The following ABCC1 variants were observed in gnomAD, a reference collection of about 807,000 sequenced individuals.
ABCC1 encodes multidrug resistance-associated protein 1.
In ABCC1, 83 loss-of-function variants were observed where a neutral mutation model predicts 172.9. That is an observed-to-expected ratio of 0.48 (90% CI 0.40 to 0.58). The LOEUF is 0.58. Among genes scored for constraint, ABCC1 ranks in the 20% least tolerant of loss-of-function variants. The probability of loss-of-function intolerance (pLI) is 0.00; values close to 1 mark genes in which losing one functional copy is unlikely to be tolerated. For synonymous variants in ABCC1, 937 were observed against 825.2 expected, an observed-to-expected ratio of 1.14 and a Z score of -2.32; for missense variants, 1,817 against 2,002.7, an observed-to-expected ratio of 0.91 and a Z score of 1.77.
chr16:16,058,578 G>C (rs2049770085), intron 12 of ABCC1, among the ~76,000 whole-genome samples: 1 of 152,152 alleles, frequency 6.6e-6, no homozygotes, highest in Non-Finnish European at 1.5e-5. Context: ...CTCAGGGTCT[G>C]GAACTGCAGG....
In ABCC1 at chr16:16,045,893, C is replaced by T. The variant is rs1310307532; in HGVS notation, c.1098C>T (p.Tyr366=). 3 of 1,614,066 alleles carry T rather than the reference C, an allele frequency of 1.9e-6. No individual in the cohort carries two copies. The highest frequency in any genetic ancestry group is 1.3e-5 in the African/African-American group (1 of 74,936). The change falls in exon 9 of 31, where the codon TAC becomes TAT. Residue 366 remains tyrosine, a synonymous_variant. Coordinates refer to ENST00000399410, the MANE Select transcript of ABCC1 (RefSeq NM_004996.4). ...TKAPDWQGYF[Y]TVLLFVTACL... is the part of the protein sequence containing the mutation. ...CCCCAGACTGGCAGGGCTACTTCTA[C>T]ACCGTGCTGCTGTTTGTCACTGCCT...
At chr16:16,105,429 C>T (rs1031580419) in intron 20 of ABCC1, 1 of 152,204 alleles carries the variant, frequency 6.6e-6, no homozygotes, top group Non-Finnish European at 1.5e-5. Flanking sequence ...CTCACTAGGC[C>T]TTAACTAAAG....
At chr16:16,015,466 T>A (rs1174231487) in intron 4 of ABCC1, among the ~76,000 whole-genome samples, 5 of 152,220 alleles carry the variant, frequency 3.3e-5, no homozygotes, top group Non-Finnish European at 7.3e-5. Context: ...AATAACCTGC[T>A]GTTCCTGCCA....
chr16:16,025,113 A>G (rs2048327737), intron 5 of ABCC1, among the ~76,000 whole-genome samples: 1 of 152,214 alleles, frequency 6.6e-6, no homozygotes, highest in African/African-American at 2.4e-5. Flanking sequence ...GGCATTTTGC[A>G]CAGTTGGTAA....
In ABCC1 at chr16:16,122,108, T is replaced by C. The variant is rs2045192482; in HGVS notation, c.3524T>C (p.Ile1175Thr). 2 of 1,614,128 alleles carry C rather than the reference T, an allele frequency of 1.2e-6. No homozygotes were observed. Among genetic ancestry groups the C allele is most frequent in the Non-Finnish European group, 1.7e-6 (2 of 1,180,020 alleles). ...GCCTTCGAGGAGCAGGAGCGCTTCA[T>C]CCACCAGAGTGACCTGAAGGTGGAC... The part of the protein sequence containing the change: ...IRAFEEQERF[I>T]HQSDLKVDEN... Residue 1175 changes from isoleucine to threonine, a missense_variant, in exon 24 of 31, where the codon ATC (isoleucine) becomes ACC (threonine). Coordinates refer to ENST00000399410, the MANE Select transcript of ABCC1 (RefSeq NM_004996.4).
Position 16,048,291 on chromosome 16 carries a change from C to T in ABCC1, c.1368C>T (p.Tyr456=). The change falls in exon 10 of 31, where the codon TAC becomes TAT. Residue 456 remains tyrosine (Y), a synonymous_variant. Coordinates refer to ENST00000399410, the MANE Select transcript of ABCC1 (RefSeq NM_004996.4). Reference sequence around the variant, plus strand: ...CCCTGCAAGTCATCCTTGCTCTCTACCTCCTGTGGCTGGTGTGTGTTTAAC... The same window carrying T: ...CCCTGCAAGTCATCCTTGCTCTCTATCTCCTGTGGCTGGTGTGTGTTTAAC... The part of the protein sequence containing the change: ...SAPLQVILAL[Y]LLWLNLGPSV... 17 of 1,614,092 alleles carry T rather than the reference C, an allele frequency of 1.1e-5. 1 individual carries two copies. The highest frequency in any genetic ancestry group is 1.4e-5 in the Non-Finnish European group (16 of 1,179,966).
intron 24 of ABCC1, among the ~76,000 whole-genome samples, 197 bp downstream of exon 24, chr16:16,122,371 C>T (rs2045207519): frequency 6.6e-6 from 1 of 152,108 alleles, no homozygotes; most frequent in Admixed American, 6.5e-5. Context: ...ACATGCAGTG[C>T]CCGCGGCATT....
At position 16,071,643 on chromosome 16, in the gene ABCC1, C is replaced by T. The variant is rs376847594; in HGVS notation, c.1826C>T (p.Ala609Val). The T allele has an allele frequency of 1.1e-5, 17 of 1,613,496 alleles. No homozygotes were observed. Among genetic ancestry groups the T allele is most frequent in the South Asian group, 5.5e-5 (5 of 90,990 alleles). The change falls in exon 14 of 31, where the codon GCG (alanine) becomes GTG (valine). Residue 609 changes from alanine to valine, a missense_variant and splice_region_variant. Ala to Val is a moderately conservative substitution (Grantham distance 64, BLOSUM62 0). This residue lies in a region of ABCC1 where 1,412 missense variants were observed against 1,600.3 expected (regional missense o/e 0.88). Coordinates refer to ENST00000399410, the MANE Select transcript of ABCC1 (RefSeq NM_004996.4). Reference sequence around the variant, plus strand: ...CCCCTGCCATTGCTCTCTGTACAGGCGAGTGTCTCCCTCAAACGCCTGAGG... The same window carrying T: ...CCCCTGCCATTGCTCTCTGTACAGGTGAGTGTCTCCCTCAAACGCCTGAGG... The part of the protein sequence containing the change: ...LPMVISSIVQ[A>V]SVSLKRLRIF...
chr16:16,132,514 T>TTTTTTTG (rs2045738709), intron 27 of ABCC1, among the ~76,000 whole-genome samples: 9 of 77,136 alleles, frequency 1.2e-4, no homozygotes, highest in South Asian at 4.4e-4. Context: ...TTGGTTGTTT[T>TTTTTTTG]TTTTTTTTTT....
chr16:16,004,957 G>A (rs1001120419), intron 1 of ABCC1, among the ~76,000 whole-genome samples: 10 of 151,828 alleles, frequency 6.6e-5, no homozygotes, highest in African/African-American at 1.9e-4. Flanking sequence ...GAGCCACCGC[G>A]CCCAACCTAA....
intron 29 of ABCC1, among the ~76,000 whole-genome samples, chr16:16,138,065 C>A (rs1300053544): frequency 3.3e-5 from 5 of 151,770 alleles, no homozygotes; most frequent in Non-Finnish European, 7.4e-5. Context: ...CTTTTTTGCC[C>A]AGGCTGGTCT....
chr16:16,103,997 G>A (rs1304588153), intron 20 of ABCC1, among the ~76,000 whole-genome samples: 2 of 152,126 alleles, frequency 1.3e-5, no homozygotes, highest in Non-Finnish European at 2.9e-5. Flanking sequence ...CAGGAGTGAA[G>A]CTGCAGACCT....
At chr16:15,999,461 C>T (rs1375993007) in intron 1 of ABCC1, among the ~76,000 whole-genome samples, 9 of 151,582 alleles carry the variant, frequency 5.9e-5, no homozygotes, top group East Asian at 2.0e-4. Flanking sequence ...ACTAAAAATA[C>T]GAGATTAGCC....
intron 1 of ABCC1, among the ~76,000 whole-genome samples, chr16:15,971,573 A>G (rs1191478454): frequency 6.6e-6 from 1 of 152,126 alleles, no homozygotes; most frequent in Non-Finnish European, 1.5e-5. Flanking sequence ...TGCCACATTA[A>G]CTGCTGTTAG....
At chr16:15,966,431 G>T (rs1398655425) in intron 1 of ABCC1, among the ~76,000 whole-genome samples, 1 of 150,186 alleles carries the variant, frequency 6.7e-6, no homozygotes, top group African/African-American at 2.4e-5. Flanking sequence ...AAAAAGTCAG[G>T]CTTTTCTAGG....
chr16:15,967,201 G>A (rs1052370220), intron 1 of ABCC1, among the ~76,000 whole-genome samples: 7 of 152,158 alleles, frequency 4.6e-5, no homozygotes, highest in Non-Finnish European at 1.0e-4. Context: ...AGGCTGGGGT[G>A]AAGAGATGTT....
intron 8 of ABCC1, among the ~76,000 whole-genome samples, chr16:16,045,256 G>T (rs1390616433): frequency 9.2e-5 from 14 of 151,636 alleles, no homozygotes; most frequent in Admixed American, 9.2e-4. Flanking sequence ...AAATTAGCCG[G>T]GCGTGGTGGT....
chr16:15,960,389 C>T (rs1178287237), intron 1 of ABCC1, among the ~76,000 whole-genome samples: 1 of 152,048 alleles, frequency 6.6e-6, no homozygotes, highest in Non-Finnish European at 1.5e-5. Context: ...CTTTGATACC[C>T]CTGGGTTCAT....
At chr16:16,005,069 C>CTTTTTTTT (rs36027088) in intron 1 of ABCC1, among the ~76,000 whole-genome samples, 1 of 134,466 alleles carries the variant, frequency 7.4e-6, no homozygotes. Context: ...TCATTTTTAA[C>CTTTTTTTT]TTTTTTTTTT....
Sources: allele counts gnomAD v4.1 joint callset (sites outside exome capture counted in the v4.1 genomes callset), GRCh38; gene constraint gnomAD v4.1.1; regional missense constraint gnomAD v4.1.1; transcripts MANE v1.5; gene names NCBI Gene and HGNC (gene_info 2026-07-23, HGNC 2026-07-21).